The following ITGA9 variants were observed in gnomAD, a reference collection of about 807,000 sequenced individuals.
ITGA9 encodes integrin subunit alpha 9.
ITGA9 carries 56 observed loss-of-function variants against 127.8 expected under a neutral mutation model. That is an observed-to-expected ratio of 0.44 (90% confidence interval 0.35 to 0.55). The LOEUF is 0.55. ITGA9 is among the 20% of genes least tolerant of loss of function. The pLI is 0.00. For synonymous variants in ITGA9, 508 were observed against 514.5 expected (o/e 0.99, Z 0.17); for missense variants, 1,196 against 1,347.1 (o/e 0.89, Z 1.76).
chr3:37,819,032 C>G lies in ITGA9; in HGVS notation c.*43C>G. ...ATGACCTGATCACTAGCCTGTCATC[C>G]TTGGTCTTTGTATCTTCCATATTTG... On this transcript the variant is annotated 3_prime_UTR_variant, in exon 28 of 28. Coordinates refer to ENST00000264741, the MANE Select transcript of ITGA9 (RefSeq NM_002207.3). The G allele has an allele frequency of 7.2e-7, 1 of 1,382,798 alleles. No homozygotes were observed. The highest frequency in any genetic ancestry group is 1.0e-6 in the Non-Finnish European group (1 of 969,470). 85.7% of individuals were successfully genotyped at this position (1,382,798 alleles called of 1,614,324 possible).
chr3:37,730,825 A>G (rs1278541431), intron 18 of ITGA9, among the ~76,000 whole-genome samples: 1 of 152,226 alleles, frequency 6.6e-6, no homozygotes, highest in Non-Finnish European at 1.5e-5. Context: ...CTTGACAGTG[A>G]GGACAACTTA....
chr3:37,647,019 A>G (rs1251664353), intron 16 of ITGA9, among the ~76,000 whole-genome samples: 3 of 152,026 alleles, frequency 2.0e-5, no homozygotes, highest in African/African-American at 7.3e-5. Flanking sequence ...CAAATTGGCC[A>G]TTTGCCCAAA....
chr3:37,768,086 C>T (rs191707628), intron 23 of ITGA9, among the ~76,000 whole-genome samples: 14 of 152,186 alleles, frequency 9.2e-5, no homozygotes, highest in Admixed American at 3.9e-4. Flanking sequence ...AATGGTGATA[C>T]GTGAAAGTAT....
intron 15 of ITGA9, among the ~76,000 whole-genome samples, chr3:37,620,829 A>C (rs1044560259): frequency 1.3e-5 from 2 of 152,156 alleles, no homozygotes; most frequent in African/African-American, 4.8e-5. Flanking sequence ...TTCTTCCCTC[A>C]TTGGATTGCC....
Position 37,506,033 on chromosome 3 carries a change from C to T in ITGA9, c.776C>T (p.Pro259Leu), listed in dbSNP as rs149951749. 39 of 1,609,954 alleles carry T rather than the reference C, an allele frequency of 2.4e-5. 1 individual carries two copies. Among genetic ancestry groups the T allele is most frequent in the South Asian group, 6.7e-5 (6 of 89,720 alleles). The change falls in exon 7 of 28, where the codon CCG becomes CTG. Residue 259 changes from proline (P) to leucine (L), a missense_variant. Transcript: ENST00000264741. ...YAVTAGHFSH[P>L]STIDVVGGAP... is the part of the protein sequence containing the mutation. The stretch of plus-strand genomic sequence containing the variant: ...GTGACCGCTGGCCACTTCTCTCACC[C>T]GTCCACCATTGATGTGGTAGGAGGT...
chr3:37,730,652 A>T (rs1696279445), intron 18 of ITGA9, among the ~76,000 whole-genome samples: 1 of 152,158 alleles, frequency 6.6e-6, no homozygotes, highest in African/African-American at 2.4e-5. Context: ...TCAGTGCTGA[A>T]ATGTGGTGTG....
At chr3:37,770,557 G>A (rs1000184146) in intron 23 of ITGA9, among the ~76,000 whole-genome samples, 1 of 152,140 alleles carries the variant, frequency 6.6e-6, no homozygotes, top group Non-Finnish European at 1.5e-5. Context: ...GACCACCTCA[G>A]CCTGGAAAGT....
chr3:37,490,974 G>GCCC (rs1335083511), intron 4 of ITGA9, among the ~76,000 whole-genome samples: 1 of 121,838 alleles, frequency 8.2e-6, no homozygotes, highest in African/African-American at 3.3e-5. Flanking sequence ...CTTCCCCCCC[G>GCCC]CTTTTTTTTT....
chr3:37,532,144 C>A (rs948359234), intron 13 of ITGA9, among the ~76,000 whole-genome samples: 4 of 152,252 alleles, frequency 2.6e-5, no homozygotes, highest in African/African-American at 9.6e-5. Flanking sequence ...CTGCTATTGT[C>A]TGACTTCCGT....
rs748678171 is a variant in ITGA9, at chr3:37,780,004, A to G, written c.2770A>G (p.Thr924Ala). Residue 924 changes from threonine (T) to alanine (A), a missense_variant, in exon 25 of 28, where the codon ACA (threonine) becomes GCA (alanine). Thr to Ala is a moderately conservative substitution (Grantham distance 58, BLOSUM62 0). Coordinates refer to ENST00000264741, the MANE Select transcript of ITGA9 (RefSeq NM_002207.3). ...TATAGACATTTACATGCTGCTGAAC[A>G]CAGAAATACTGAAAAAGGTAAGCCC... ...RTIDIYMLLN[T>A]EILKKDSSSV... 4 of 1,614,038 alleles carry G rather than the reference A, an allele frequency of 2.5e-6. No homozygotes were observed. The highest frequency in any genetic ancestry group is 3.4e-6 in the Non-Finnish European group (4 of 1,180,024).
At chr3:37,527,776 C>CT (rs34888170) in intron 13 of ITGA9, among the ~76,000 whole-genome samples, 28 of 149,072 alleles carry the variant, frequency 1.9e-4, no homozygotes, top group Middle Eastern at 3.4e-3. Flanking sequence ...TGAAAACAGG[C>CT]TTTTTTTTTT....
At chr3:37,543,706 G>A (rs1415944070) in intron 15 of ITGA9, among the ~76,000 whole-genome samples, 1 of 151,752 alleles carries the variant, frequency 6.6e-6, no homozygotes, top group Non-Finnish European at 1.5e-5. Flanking sequence ...TCCTGTTAGT[G>A]CCAGAGCAGA....
chr3:37,707,437 C>A (rs1348759886), intron 18 of ITGA9, among the ~76,000 whole-genome samples: 1 of 152,152 alleles, frequency 6.6e-6, no homozygotes, highest in Non-Finnish European at 1.5e-5. Flanking sequence ...TCTTATATTT[C>A]TTTTTATTTG....
intron 15 of ITGA9, among the ~76,000 whole-genome samples, chr3:37,553,382 C>G (rs1699397264): frequency 6.6e-6 from 1 of 152,224 alleles, no homozygotes; most frequent in Non-Finnish European, 1.5e-5. Flanking sequence ...TTGCATTTGG[C>G]TGTCACATCT....
At chr3:37,558,098 C>T (rs1699448403) in intron 15 of ITGA9, among the ~76,000 whole-genome samples, 2 of 152,188 alleles carry the variant, frequency 1.3e-5, no homozygotes, top group South Asian at 2.1e-4. Context: ...CTCCTGTGCA[C>T]GTGTGTCCGT....
At chr3:37,578,212 G>A (rs986026057) in intron 15 of ITGA9, among the ~76,000 whole-genome samples, 6 of 152,172 alleles carry the variant, frequency 3.9e-5, no homozygotes, top group African/African-American at 1.4e-4. Flanking sequence ...CTGTTGGAAA[G>A]AAAGGTTTGA....
intron 13 of ITGA9, among the ~76,000 whole-genome samples, chr3:37,527,948 G>A (rs538730068): frequency 6.6e-6 from 1 of 152,120 alleles, no homozygotes; most frequent in African/African-American, 2.4e-5. Flanking sequence ...ACCACACCTG[G>A]CTAATTTTTT....
intron 23 of ITGA9, among the ~76,000 whole-genome samples, chr3:37,752,379 C>T (rs1323918228): frequency 6.6e-6 from 1 of 152,174 alleles, no homozygotes. Flanking sequence ...GGCCTGGTGG[C>T]ATTCCCTCCC....
intron 17 of ITGA9, among the ~76,000 whole-genome samples, chr3:37,655,787 G>T (rs1700472207): frequency 6.6e-6 from 1 of 152,110 alleles, no homozygotes; most frequent in Non-Finnish European, 1.5e-5. Flanking sequence ...GTCCTGAATG[G>T]TATTGCCTAG....
Sources: gnomAD v4.1 joint callset for allele counts (sites outside exome capture counted in the v4.1 genomes callset) on GRCh38, gnomAD v4.1.1 for gene constraint, MANE v1.5 for transcripts, NCBI Gene and HGNC (gene_info 2026-07-23, HGNC 2026-07-21) for gene names.